PTS: variants seen among roughly 807,000 people sequenced by gnomAD.
PTS encodes 6-pyruvoyltetrahydropterin synthase, also known as 6-pyruvoyl tetrahydrobiopterin synthase.
Under a neutral mutation model 20.6 loss-of-function variants are expected in PTS, and 23 were observed. The ratio of observed to expected loss-of-function variants is 1.12; its 90% CI spans 0.80 to 1.58. The LOEUF is 1.58. Ranked by LOEUF, PTS falls within the 40% of genes most tolerant of loss-of-function variation. The probability of loss-of-function intolerance (pLI) is 0.00; values close to 1 mark genes in which losing one functional copy is unlikely to be tolerated. For missense variants in PTS, 186 were observed against 182.4 expected (o/e 1.02, Z -0.11); for synonymous variants, 65 against 62.5 (o/e 1.04, Z -0.19).
intron 4 of PTS, 115 bp from the exon 5 acceptor site, chr11:112,233,048 C>G: frequency 9.6e-7 from 1 of 1,039,518 alleles, no homozygotes; most frequent in Non-Finnish European, 1.5e-6. Flanking sequence ...CTAGTACTTA[C>G]AAATATTTAG....
chr11:112,226,618 C>T (rs982553665), intron 1 of PTS, 92 bp downstream of exon 1: 18 of 1,156,844 alleles, frequency 1.6e-5, no homozygotes, highest in Admixed American at 8.2e-5. Flanking sequence ...TGACGTCGGG[C>T]CCGGGAGGGG....
At chr11:112,230,282 C>A (rs1356305127) in intron 3 of PTS, 52 bp downstream of exon 3, 2 of 1,578,326 alleles carry the variant, frequency 1.3e-6, no homozygotes, top group Non-Finnish European at 1.7e-6. Flanking sequence ...GGCTCTCTTT[C>A]AGCCAGTGTG....
At chr11:112,227,409 C>G (rs1859879729) in intron 1 of PTS, among the ~76,000 whole-genome samples, 1 of 152,046 alleles carries the variant, frequency 6.6e-6, no homozygotes, top group Non-Finnish European at 1.5e-5. Flanking sequence ...GACTTTAGCA[C>G]TCTAAATACA....
intron 1 of PTS, among the ~76,000 whole-genome samples, chr11:112,228,046 G>A (rs1859887759): frequency 6.6e-6 from 1 of 152,208 alleles, no homozygotes; most frequent in Non-Finnish European, 1.5e-5. Flanking sequence ...CACCTGCTTG[G>A]AATATTCCTC....
chr11:112,228,353 G>A (rs1463366490), intron 1 of PTS: 1 of 552,262 alleles, frequency 1.8e-6, no homozygotes, highest in Admixed American at 3.2e-5. Flanking sequence ...GGGGGTTGAA[G>A]TTAAGGTTTG....
chr11:112,230,749 A>G lies in PTS; in HGVS notation c.243+67A>G, dbSNP rs1291271378. On this transcript the variant is annotated intron_variant, in intron 4 of 5. Transcript: ENST00000280362. ...TGTAATATTTGGTGGCCCCCTATCT[A>G]CCTCCCCAACCAGTTATCTCCTAAG... 6.9e-6 allele frequency: 9 copies of G among 1,305,974 alleles called. No homozygotes were observed. In the Admixed American group the frequency reaches 1.5e-4, roughly 22 times the overall value. 80.9% of individuals were successfully genotyped at this position (1,305,974 alleles called of 1,614,324 possible). A position where few individuals can be genotyped will look rare whatever the true frequency, so the allele number is the denominator to read the frequency against.
intron 4 of PTS, among the ~76,000 whole-genome samples, chr11:112,232,398 C>A (rs1261883538): frequency 6.6e-6 from 1 of 152,150 alleles, no homozygotes; most frequent in Non-Finnish European, 1.5e-5. Context: ...ACTGTTTGAT[C>A]TAGGACTTAC....
chr11:112,226,565 G>A (rs776953935), intron 1 of PTS, 39 bp downstream of exon 1: 12 of 1,483,100 alleles, frequency 8.1e-6, no homozygotes, highest in East Asian at 2.9e-5. Flanking sequence ...GGCGGTGGGC[G>A]CCGGGCCCCG....
At chr11:112,226,555 G>GCCCGCC in intron 1 of PTS, 29 bp downstream of exon 1, 1 of 1,511,214 alleles carries the variant, frequency 6.6e-7, no homozygotes, top group Non-Finnish European at 8.9e-7. Context: ...TACAGCGGCG[G>GCCCGCC]GCGGTGGGCG....
intron 4 of PTS, among the ~76,000 whole-genome samples, chr11:112,231,381 T>G (rs762685267): frequency 1.1e-4 from 16 of 152,344 alleles, no homozygotes; most frequent in Non-Finnish European, 1.9e-4. Flanking sequence ...CTTTGGAGAT[T>G]ATTCAGACCA....
At chr11:112,226,929 C>T (rs1859873091) in intron 1 of PTS, among the ~76,000 whole-genome samples, 1 of 151,078 alleles carries the variant, frequency 6.6e-6, no homozygotes, top group Non-Finnish European at 1.5e-5. Flanking sequence ...CGTAGACACT[C>T]AGTAAATGTT....
chr11:112,230,047 A>G (rs1184328501), intron 2 of PTS, 161 bp from the exon 3 acceptor site: 1 of 747,322 alleles, frequency 1.3e-6, no homozygotes, highest in African/African-American at 1.8e-5. Context: ...AATCTTAACT[A>G]AAATAACAGA....
chr11:112,229,447 A>C, intron 2 of PTS: 1 of 151,136 alleles, frequency 6.6e-6, no homozygotes, highest in Non-Finnish European at 1.5e-5. Flanking sequence ...CCCAGGCTGG[A>C]ATGGTGTGAT....
At chr11:112,228,881 A>G (rs1859898168) in intron 2 of PTS, 5 of 597,734 alleles carry the variant, frequency 8.4e-6, no homozygotes, top group Non-Finnish European at 1.2e-5. Flanking sequence ...AACTCTTACA[A>G]ACAGTCCAAA....
chr11:112,233,024 T>G, intron 4 of PTS, 139 bp from the exon 5 acceptor site: 1 of 885,986 alleles, frequency 1.1e-6, no homozygotes, highest in Non-Finnish European at 1.9e-6. Flanking sequence ...AAAGTTGCCT[T>G]GTAAGACTCA....
intron 4 of PTS, among the ~76,000 whole-genome samples, chr11:112,231,817 T>C (rs1859937927): frequency 2.2e-5 from 3 of 138,778 alleles, no homozygotes; most frequent in South Asian, 2.2e-4. Context: ...AGGAAAGTTA[T>C]ACAGATAGGG....
At chr11:112,230,292 G>A in intron 3 of PTS, 62 bp downstream of exon 3, 3 of 1,555,386 alleles carry the variant, frequency 1.9e-6, no homozygotes, top group Non-Finnish European at 2.7e-6. Context: ...CAGCCAGTGT[G>A]GTGGATTCTG....
intron 4 of PTS, among the ~76,000 whole-genome samples, chr11:112,232,501 A>G (rs1444468710): frequency 6.6e-6 from 1 of 151,362 alleles, no homozygotes; most frequent in African/African-American, 2.4e-5. Context: ...GGAAAATTAC[A>G]TTTTTTTTTC....
chr11:112,229,073 C>CCTG, intron 2 of PTS: 1 of 211,186 alleles, frequency 4.7e-6, no homozygotes. Flanking sequence ...TGGTCTAAAG[C>CCTG]TTTGCCAGCA....
Sources: allele counts gnomAD v4.1 joint callset (sites outside exome capture counted in the v4.1 genomes callset), GRCh38; gene constraint gnomAD v4.1.1; transcripts MANE v1.5; gene names NCBI Gene and HGNC (gene_info 2026-07-23, HGNC 2026-07-21).